NUGGC: variants seen among roughly 807,000 people sequenced by gnomAD.
The protein encoded by NUGGC is nuclear GTPase SLIP-GC.
Under a neutral mutation model 92.6 loss-of-function variants are expected in NUGGC, and 58 were observed. That is an observed-to-expected ratio of 0.63 (90% CI 0.51 to 0.78). The LOEUF is 0.78. NUGGC is among the 30% of genes least tolerant of loss of function. The pLI is 0.00. For missense variants in NUGGC, 925 were observed against 964.6 expected, an observed-to-expected ratio of 0.96 and a Z score of 0.54; for synonymous variants, 376 against 366.4, an observed-to-expected ratio of 1.03 and a Z score of -0.30.
chr8:28,075,545 C>T (rs960177874), intron 1 of NUGGC, among the ~76,000 whole-genome samples: 1 of 152,134 alleles, frequency 6.6e-6, no homozygotes, highest in Non-Finnish European at 1.5e-5. Flanking sequence ...GCTTACTTGC[C>T]GTTACCTGAT....
chr8:28,051,328 T>C (rs1361134681), intron 10 of NUGGC, among the ~76,000 whole-genome samples: 3 of 152,108 alleles, frequency 2.0e-5, no homozygotes, highest in African/African-American at 4.8e-5. Context: ...AAGTGACACA[T>C]TGAGCATCAG....
At chr8:28,037,218 G>A (rs1310655920) in intron 13 of NUGGC, among the ~76,000 whole-genome samples, 1 of 152,162 alleles carries the variant, frequency 6.6e-6, no homozygotes, top group Non-Finnish European at 1.5e-5. Context: ...ACTTCCCAAA[G>A]CATTAGTTCT....
intron 12 of NUGGC, among the ~76,000 whole-genome samples, chr8:28,043,371 C>T (rs1235314948): frequency 6.6e-6 from 1 of 152,062 alleles, no homozygotes; most frequent in Non-Finnish European, 1.5e-5. Flanking sequence ...ACTCAAACTC[C>T]AAATTTTTGG....
intron 13 of NUGGC, among the ~76,000 whole-genome samples, chr8:28,040,687 G>A (rs1481014587): frequency 3.4e-5 from 5 of 147,822 alleles, no homozygotes; most frequent in South Asian, 2.1e-4. Context: ...TCACTCTCTC[G>A]CCAGGCTGGA....
rs1029192705 is a variant in NUGGC at position 28,045,670 on chromosome 8, A to T, written c.1313-10T>A. ...CTTAACTTAGGGATTTCTGGAATTC[A>T]CAGGCAGCACAAATAATTGTTAAAG... On this transcript the variant is annotated splice_polypyrimidine_tract_variant and intron_variant, in intron 11 of 18. Coordinates refer to ENST00000413272, the MANE Select transcript of NUGGC (RefSeq NM_001010906.2). The T allele has an allele frequency of 6.2e-7, 1 of 1,607,342 alleles. No individual in the cohort carries two copies. Among genetic ancestry groups the T allele is most frequent in the Non-Finnish European group, 8.5e-7 (1 of 1,178,236 alleles).
chr8:28,025,431 T>C (rs1313735687), intron 18 of NUGGC, among the ~76,000 whole-genome samples: 1 of 152,200 alleles, frequency 6.6e-6, no homozygotes, highest in Admixed American at 6.5e-5. Context: ...TTCTTGAAGT[T>C]CAGAGACAGA....
intron 17 of NUGGC, among the ~76,000 whole-genome samples, chr8:28,028,459 A>G (rs1299030297): frequency 1.3e-5 from 2 of 152,194 alleles, no homozygotes; most frequent in African/African-American, 4.8e-5. Flanking sequence ...ATGTTTCAAG[A>G]AGGCTGGTTC....
rs1483971207 is a variant in NUGGC at position 28,074,449 on chromosome 8, G to A, written c.-39C>T. 6.2e-7 allele frequency: 1 copy of A among 1,610,632 alleles called. No homozygotes were observed. Among genetic ancestry groups the A allele is most frequent in the Non-Finnish European group, 8.5e-7 (1 of 1,178,040 alleles). The stretch of plus-strand genomic sequence containing the variant: ...AACTCCTGCTCTTCTCAGTTCAGGA[G>A]AACCAGCCTGTGAAGACAAAGTACA... On this transcript the variant is annotated 5_prime_UTR_variant, in exon 2 of 19. Transcript: ENST00000413272.
chr8:28,034,278 G>A (rs773564057), intron 13 of NUGGC, among the ~76,000 whole-genome samples: 12 of 152,146 alleles, frequency 7.9e-5, no homozygotes, highest in African/African-American at 2.9e-4. Context: ...TAAATGAGAG[G>A]AAAGAAAAAT....
intron 4 of NUGGC, among the ~76,000 whole-genome samples, chr8:28,069,107 A>G (rs533481310): frequency 5.2e-4 from 79 of 152,206 alleles, no homozygotes; most frequent in Non-Finnish European, 5.7e-4. Context: ...ACAGAGTCTT[A>G]CTGAGCAGGA....
intron 15 of NUGGC, among the ~76,000 whole-genome samples, chr8:28,030,913 A>G (rs1809401480): frequency 6.6e-6 from 1 of 152,254 alleles, no homozygotes; most frequent in Non-Finnish European, 1.5e-5. Flanking sequence ...ATGATAGGTT[A>G]GTGAAAATGG....
intron 13 of NUGGC, among the ~76,000 whole-genome samples, 163 bp downstream of exon 13, chr8:28,040,888 G>A (rs181960870): frequency 0.015 from 2,299 of 152,194 alleles, 14 homozygotes; most frequent in African/African-American, 0.016. Flanking sequence ...CTTGTGATCC[G>A]CCCACCTCGG....
chr8:28,036,696 A>T (rs1348824517), intron 13 of NUGGC, among the ~76,000 whole-genome samples: 2 of 152,098 alleles, frequency 1.3e-5, no homozygotes, highest in Non-Finnish European at 2.9e-5. Context: ...ACATCTCCCC[A>T]TGTCTGAACT....
chr8:28,059,913 C>T (rs540438634), intron 8 of NUGGC, among the ~76,000 whole-genome samples: 5 of 152,012 alleles, frequency 3.3e-5, no homozygotes, highest in South Asian at 4.2e-4. Flanking sequence ...CCCAGCCACT[C>T]GGGAGGCTGA....
chr8:28,028,714 A>G (rs1809333360), intron 17 of NUGGC, among the ~76,000 whole-genome samples: 1 of 152,252 alleles, frequency 6.6e-6, no homozygotes, highest in African/African-American at 2.4e-5. Flanking sequence ...AACCATCAGG[A>G]ACTGTCTTCG....
At chr8:28,073,562 T>C (rs1173698565) in intron 2 of NUGGC, among the ~76,000 whole-genome samples, 1 of 152,164 alleles carries the variant, frequency 6.6e-6, no homozygotes, top group African/African-American at 2.4e-5. Context: ...TTTCTGCAAC[T>C]GGGGGTTATA....
intron 17 of NUGGC, 100 bp downstream of exon 17, chr8:28,029,166 G>T: frequency 8.2e-7 from 1 of 1,219,086 alleles, no homozygotes; most frequent in Non-Finnish European, 1.2e-6. Context: ...TGTTCCATTT[G>T]GACCCAAATG....
In NUGGC at chr8:28,077,568, GA is replaced by G. The variant is rs367649699; in HGVS notation, c.-46-3113del. Among the ~76,000 whole-genome samples, 60 of 144,296 alleles carry G rather than the reference GA, an allele frequency of 4.2e-4. 1 individual carries two copies. The highest frequency in any genetic ancestry group is 1.1e-3 in the South Asian group (5 of 4,574). 94.7% of individuals were successfully genotyped at this position (144,296 alleles called of 152,430 possible). On this transcript the variant is annotated intron_variant, in intron 1 of 18. Coordinates refer to ENST00000413272, the MANE Select transcript of NUGGC (RefSeq NM_001010906.2). ...GGTGACAGCAAGACCCTGTCTCAAA[GA>G]AAAAAAAAAATTAGATACAGAACTA...
intron 10 of NUGGC, among the ~76,000 whole-genome samples, chr8:28,049,696 T>A (rs1809938519): frequency 6.6e-6 from 1 of 152,236 alleles, no homozygotes; most frequent in Admixed American, 6.5e-5. Flanking sequence ...ACTGTTCTAA[T>A]TTAAACACAT....
Sources: allele counts gnomAD v4.1 joint callset (sites outside exome capture counted in the v4.1 genomes callset), GRCh38; gene constraint gnomAD v4.1.1; transcripts MANE v1.5; gene names NCBI Gene and HGNC (gene_info 2026-07-23, HGNC 2026-07-21).